Variants in ABI2 observed in about 807,000 individuals in gnomAD.
The protein encoded by ABI2 is abl interactor 2.
In ABI2, 25 loss-of-function variants were observed where a neutral mutation model predicts 59.2. The ratio of observed to expected loss-of-function variants is 0.42; its 90% CI spans 0.31 to 0.59. ABI2 has a LOEUF of 0.59. ABI2 is among the 20% of genes least tolerant of loss of function. The pLI, the probability that ABI2 is intolerant of heterozygous loss-of-function variation, is 0.14. For synonymous variants in ABI2, 213 were observed against 235.5 expected, an observed-to-expected ratio of 0.90 and a Z score of 0.87; for missense variants, 545 against 681.8, an observed-to-expected ratio of 0.80 and a Z score of 2.23.
intron 2 of ABI2, among the ~76,000 whole-genome samples, chr2:203,372,758 C>T (rs1358158593): frequency 2.0e-5 from 3 of 148,924 alleles, no homozygotes; most frequent in African/African-American, 2.5e-5. Flanking sequence ...TCAGACGGGG[C>T]GGTTGCCAGG....
intron 1 of ABI2, among the ~76,000 whole-genome samples, chr2:203,349,580 T>G (rs2086272220): frequency 6.6e-6 from 1 of 152,078 alleles, no homozygotes. Context: ...AATTTTTGTA[T>G]TTTTAGTAAA....
At chr2:203,407,155 C>T (rs2097460598) in intron 9 of ABI2, among the ~76,000 whole-genome samples, 1 of 152,066 alleles carries the variant, frequency 6.6e-6, no homozygotes, top group Non-Finnish European at 1.5e-5. Context: ...AGTTCTAATC[C>T]TAGTCATTTT....
At chr2:203,374,869 C>T (rs1304306355) in intron 2 of ABI2, 1 of 454,492 alleles carries the variant, frequency 2.2e-6, no homozygotes, top group Non-Finnish European at 4.4e-6. Context: ...CTATCCAGTA[C>T]AGTCAACTTT....
Position 203,395,432 on chromosome 2 carries a change from A to AATATATATATAT in ABI2, c.726-218_726-207dup, listed in dbSNP as rs375911001. Among the ~76,000 whole-genome samples the AATATATATATAT allele has an allele frequency of 6.3e-3, 719 of 113,230 alleles. 8 individuals carry two copies. The highest frequency in any genetic ancestry group is 0.017 in the African/African-American group (532 of 32,164). The allele number at this position is 113,230 out of a possible 152,430, so 74.3% of individuals were successfully genotyped here. Reference sequence around the variant, plus strand: ...TTCCCCTCAACTTTATTAATAAGTAAATATATATATATATATACACACACA... The same window carrying AATATATATATAT: ...TTCCCCTCAACTTTATTAATAAGTAAATATATATATATATATATATATATATATACACACACA... On this transcript the variant is annotated intron_variant, in intron 6 of 11. Coordinates refer to ENST00000261018, the MANE Select transcript of ABI2 (RefSeq NM_001375670.1).
intron 9 of ABI2, among the ~76,000 whole-genome samples, chr2:203,403,862 C>T (rs762522768): frequency 5.4e-4 from 81 of 149,964 alleles, no homozygotes; most frequent in Non-Finnish European, 8.9e-4. Context: ...AGAGATTCTC[C>T]TGCCTCAGCC....
At chr2:203,372,755 G>C (rs1314504201) in intron 2 of ABI2, among the ~76,000 whole-genome samples, 5 of 151,630 alleles carry the variant, frequency 3.3e-5, no homozygotes, top group African/African-American at 1.2e-4. Context: ...TTCTCAGACG[G>C]GGCGGTTGCC....
At chr2:203,427,080 A>T in intron 11 of ABI2, 97 bp from the exon 12 acceptor site, 1 of 1,081,532 alleles carries the variant, frequency 9.2e-7, no homozygotes, top group Non-Finnish European at 1.4e-6. Context: ...TTTGAGTGCT[A>T]CAGGATTTGG....
intron 7 of ABI2, among the ~76,000 whole-genome samples, 185 bp from the exon 8 acceptor site, chr2:203,396,599 GC>G (rs1559326730): frequency 6.6e-6 from 1 of 152,132 alleles, no homozygotes; most frequent in African/African-American, 2.4e-5. Context: ...ATTACCCTGA[GC>G]ATCTTGAATT....
intron 4 of ABI2, chr2:203,386,488 C>T: frequency 3.6e-6 from 1 of 276,406 alleles, no homozygotes; most frequent in Non-Finnish European, 4.9e-6. Context: ...GTTGCCCAGT[C>T]TGGAATCCTG....
intron 1 of ABI2, among the ~76,000 whole-genome samples, chr2:203,340,425 G>A (rs535650017): frequency 6.9e-4 from 105 of 151,918 alleles, no homozygotes; most frequent in African/African-American, 2.4e-3. Context: ...GGAGTACAGT[G>A]GCATGATCAC....
At chr2:203,331,596 T>G (rs1468195722) in intron 1 of ABI2, among the ~76,000 whole-genome samples, 1 of 151,960 alleles carries the variant, frequency 6.6e-6, no homozygotes. Context: ...TGGCCTCAGA[T>G]GATCGACCTG....
At chr2:203,410,491 A>G (rs947884697) in intron 9 of ABI2, among the ~76,000 whole-genome samples, 12 of 152,160 alleles carry the variant, frequency 7.9e-5, no homozygotes, top group African/African-American at 2.4e-4. Context: ...ATCTGTTGAC[A>G]GTTTATTAGT....
At chr2:203,339,603 A>C (rs2078713695) in intron 1 of ABI2, among the ~76,000 whole-genome samples, 1 of 151,620 alleles carries the variant, frequency 6.6e-6, no homozygotes, top group Non-Finnish European at 1.5e-5. Context: ...AAAAAGAAAA[A>C]GAAAAAAAGA....
intron 3 of ABI2, 67 bp downstream of exon 3, chr2:203,380,451 T>A: frequency 2.7e-6 from 3 of 1,092,598 alleles, no homozygotes; most frequent in Non-Finnish European, 2.5e-6. Flanking sequence ...TTGAGAAAAT[T>A]AAGCTTTTTA....
At chr2:203,350,466 T>C (rs2087134315) in intron 1 of ABI2, among the ~76,000 whole-genome samples, 1 of 152,044 alleles carries the variant, frequency 6.6e-6, no homozygotes, top group African/African-American at 2.4e-5. Flanking sequence ...CCTCCAGCCT[T>C]AGTCTCCCTA....
At chr2:203,334,241 T>C (rs2075391722) in intron 1 of ABI2, among the ~76,000 whole-genome samples, 2 of 152,128 alleles carry the variant, frequency 1.3e-5, no homozygotes, top group African/African-American at 2.4e-5. Flanking sequence ...GTGCCCAGCC[T>C]CATTTACTTT....
chr2:203,430,379 C>T lies in ABI2; in HGVS notation c.*3027C>T, dbSNP rs2098473245. 6.6e-6 allele frequency: 1 copy of T among 152,048 alleles called. No individual in the cohort carries two copies. The highest frequency in any genetic ancestry group is 2.4e-5 in the African/African-American group (1 of 41,398). The allele number at this position is 152,048 out of a possible 1,614,324, so 9.4% of individuals were successfully genotyped here. A position where few individuals can be genotyped will look rare whatever the true frequency, so the allele number is the denominator to read the frequency against. On this transcript the variant is annotated 3_prime_UTR_variant, in exon 12 of 12. Coordinates refer to ENST00000261018, the MANE Select transcript of ABI2 (RefSeq NM_001375670.1). ...TAATGGGAGAGGGGATTCTTCCCTC[C>T]TGAAGTTTGTGTGTCCAGTCCCCTT... is the stretch of plus-strand genomic sequence containing the variant.
chr2:203,365,027 C>T (rs564463732), intron 1 of ABI2, among the ~76,000 whole-genome samples: 2 of 152,166 alleles, frequency 1.3e-5, no homozygotes, highest in Middle Eastern at 3.4e-3. Flanking sequence ...AACTGCCACG[C>T]CTGGCCAGCG....
chr2:203,390,979 T>C, intron 4 of ABI2, 67 bp from the exon 5 acceptor site: 2 of 1,227,350 alleles, frequency 1.6e-6, no homozygotes, highest in Non-Finnish European at 2.4e-6. Flanking sequence ...TAGTGTAGCA[T>C]ATTATTTCCC....
Sources: gnomAD v4.1 joint callset for allele counts (sites outside exome capture counted in the v4.1 genomes callset) on GRCh38, gnomAD v4.1.1 for gene constraint, MANE v1.5 for transcripts, NCBI Gene and HGNC (gene_info 2026-07-23, HGNC 2026-07-21) for gene names.